The following ST18 variants were observed in gnomAD, a reference collection of about 807,000 sequenced individuals.
ST18 encodes the protein suppression of tumorigenicity 18 protein.
In ST18, 50 loss-of-function variants were observed where a neutral mutation model predicts 110.0. The observed-to-expected ratio is 0.45, with a 90% CI of 0.36 to 0.58. The LOEUF (loss-of-function observed/expected upper bound fraction) is 0.58. ST18 is among the 20% of genes least tolerant of loss of function. The probability of loss-of-function intolerance (pLI) is 0.00; values close to 1 mark genes in which losing one functional copy is unlikely to be tolerated. For synonymous variants in ST18, 461 were observed against 452.4 expected (o/e 1.02, Z -0.24); for missense variants, 1,306 against 1,280.1 (o/e 1.02, Z -0.31).
intron 8 of ST18, among the ~76,000 whole-genome samples, chr8:52,198,713 A>C (rs771562993): frequency 2.0e-5 from 3 of 152,256 alleles, no homozygotes; most frequent in Admixed American, 6.5e-5. Context: ...ATATGTACAC[A>C]CACAAATCTG....
At chr8:52,154,262 G>C (rs2059495846) in intron 15 of ST18, 2 of 152,242 alleles carry the variant, frequency 1.3e-5, no homozygotes, top group African/African-American at 4.8e-5. Context: ...CCTGATACCA[G>C]GCGGCAAGAA....
chr8:52,218,499 T>C (rs1037931833), intron 5 of ST18, among the ~76,000 whole-genome samples: 5 of 151,116 alleles, frequency 3.3e-5, no homozygotes, highest in Non-Finnish European at 7.4e-5. Context: ...GCGGTTCTCC[T>C]GCCTCAGCTT....
At chr8:52,345,756 G>A (rs919292460) in intron 2 of ST18, among the ~76,000 whole-genome samples, 6 of 152,098 alleles carry the variant, frequency 3.9e-5, no homozygotes, top group Admixed American at 6.5e-5. Context: ...AAAAGCCTTC[G>A]TATTCTGACA....
intron 2 of ST18, among the ~76,000 whole-genome samples, chr8:52,306,141 G>A (rs570563400): frequency 2.6e-4 from 39 of 152,276 alleles, no homozygotes; most frequent in African/African-American, 7.7e-4. Context: ...CCCCACATCC[G>A]TGTTGCTCAT....
At chr8:52,379,079 A>G (rs1480512203) in intron 2 of ST18, among the ~76,000 whole-genome samples, 2 of 148,278 alleles carry the variant, frequency 1.3e-5, no homozygotes, top group African/African-American at 4.9e-5. Context: ...TTTCTTTAAG[A>G]ATAAAATCTA....
In ST18 at chr8:52,112,947, TGAA is replaced by T. The variant is rs1563444363; in HGVS notation, c.*248_*250del. The T allele has an allele frequency of 3.2e-6, 1 of 312,324 alleles. No individual in the cohort carries two copies. The highest frequency in any genetic ancestry group is 5.3e-5 in the East Asian group (1 of 18,838). The allele number at this position is 312,324 out of a possible 1,614,324, so 19.3% of individuals were successfully genotyped here. A position where few individuals can be genotyped will look rare whatever the true frequency, so the allele number is the denominator to read the frequency against. On this transcript the variant is annotated 3_prime_UTR_variant, in exon 26 of 26. Transcript: ENST00000689386. ...CTTTACAAAAAAAAAAAGAGTACAATGAAGAAATAAAAGAAAAACATATGAAAA... is the reference window on the plus strand; with the variant it reads ...CTTTACAAAAAAAAAAAGAGTACAATGAAATAAAAGAAAAACATATGAAAA...
rs776701890 is a variant in ST18 at position 52,378,091 on chromosome 8, GT to G, written c.-465+31236del. Among the ~76,000 whole-genome samples the G allele has an allele frequency of 2.0e-5, 3 of 152,238 alleles. No homozygotes were observed. In the East Asian group the frequency reaches 5.8e-4, roughly 29 times the overall value. On this transcript the variant is annotated intron_variant, in intron 2 of 25. Transcript: ENST00000689386. ...ACTCATGGAGATAGAGAATAAAATG[GT>G]GATTATCAGAGACAGGGAGGGGAAT... is the stretch of plus-strand genomic sequence containing the variant.
intron 2 of ST18, among the ~76,000 whole-genome samples, chr8:52,373,623 G>A (rs950956986): frequency 6.6e-6 from 1 of 151,866 alleles, no homozygotes; most frequent in Non-Finnish European, 1.5e-5. Flanking sequence ...AACCCTCCTA[G>A]GCCACTGGAC....
chr8:52,127,976 T>G (rs1310543524), intron 22 of ST18, among the ~76,000 whole-genome samples: 1 of 77,764 alleles, frequency 1.3e-5, no homozygotes, highest in Non-Finnish European at 2.2e-5. Context: ...TATTAAGGGA[T>G]TTTTTTTTTT....
intron 25 of ST18, among the ~76,000 whole-genome samples, chr8:52,113,857 T>C (rs534045593): frequency 4.0e-5 from 6 of 151,894 alleles, no homozygotes; most frequent in Non-Finnish European, 8.8e-5. Context: ...TTTAGCCTGT[T>C]TCTCTCCTGT....
rs1018408948 is a variant in ST18 at position 52,341,233 on chromosome 8, C to T, written c.-465+68095G>A. ...TTGTTTTTGCTTTTCACTTTGGAGA[C>T]CCCAAAATCAAACACGTGGAAAGGG... On this transcript the variant is annotated intron_variant, in intron 2 of 25. Coordinates refer to ENST00000689386, the MANE Select transcript of ST18 (RefSeq NM_001352837.2). 2.0e-5 allele frequency among the ~76,000 whole-genome samples: 3 copies of T among 152,094 alleles called. No homozygotes were observed. The South Asian group carries it at 6.2e-4, about 32-fold the overall frequency.
At chr8:52,219,900 T>C (rs1189345638) in intron 5 of ST18, among the ~76,000 whole-genome samples, 3 of 152,218 alleles carry the variant, frequency 2.0e-5, no homozygotes, top group Admixed American at 1.3e-4. Context: ...TCCTGCAACT[T>C]TGTGCAACTG....
At chr8:52,260,964 G>A (rs1471685857) in intron 2 of ST18, among the ~76,000 whole-genome samples, 2 of 152,174 alleles carry the variant, frequency 1.3e-5, no homozygotes, top group Non-Finnish European at 2.9e-5. Flanking sequence ...GTGTCTTCAT[G>A]ACTGAATAGT....
At chr8:52,273,449 T>C (rs1285018371) in intron 2 of ST18, among the ~76,000 whole-genome samples, 1 of 152,188 alleles carries the variant, frequency 6.6e-6, no homozygotes, top group East Asian at 1.9e-4. Flanking sequence ...CCAAATGCCA[T>C]AATAGCATAA....
At chr8:52,260,286 T>C (rs2094646390) in intron 2 of ST18, among the ~76,000 whole-genome samples, 2 of 152,142 alleles carry the variant, frequency 1.3e-5, no homozygotes, top group African/African-American at 4.8e-5. Flanking sequence ...TATTTGTCTG[T>C]CTATTATGTC....
intron 23 of ST18, chr8:52,125,815 A>G: frequency 2.0e-6 from 1 of 499,404 alleles, no homozygotes; most frequent in Non-Finnish European, 3.5e-6. Flanking sequence ...TTAATCCATC[A>G]TACCCCACTG....
intron 14 of ST18, among the ~76,000 whole-genome samples, chr8:52,160,478 A>G (rs1234219189): frequency 6.6e-6 from 1 of 152,158 alleles, no homozygotes; most frequent in Admixed American, 6.5e-5. Flanking sequence ...TCTTAAGACC[A>G]CTCAGTTTCC....
At chr8:52,300,134 T>C (rs1350587773) in intron 2 of ST18, among the ~76,000 whole-genome samples, 10 of 152,206 alleles carry the variant, frequency 6.6e-5, no homozygotes, top group Non-Finnish European at 2.9e-5. Context: ...ACACAAATAA[T>C]CCAGCTTTTT....
intron 13 of ST18, among the ~76,000 whole-genome samples, chr8:52,162,413 C>T (rs2133235826): frequency 6.6e-6 from 1 of 152,300 alleles, no homozygotes; most frequent in Non-Finnish European, 1.5e-5. Flanking sequence ...AATCTGATGC[C>T]TAAGAGGGGC....
Sources: allele counts gnomAD v4.1 joint callset (sites outside exome capture counted in the v4.1 genomes callset), GRCh38; gene constraint gnomAD v4.1.1; transcripts MANE v1.5; gene names NCBI Gene and HGNC (gene_info 2026-07-23, HGNC 2026-07-21).